Variants in ITGB3BP observed in about 807,000 individuals in gnomAD.
ITGB3BP encodes the protein centromere protein R.
ITGB3BP carries 27 observed loss-of-function variants against 29.1 expected under a neutral mutation model. That is an observed-to-expected ratio of 0.93 (90% confidence interval 0.68 to 1.28). ITGB3BP has a LOEUF of 1.28. ITGB3BP is among the 50% of genes most tolerant of loss of function. ITGB3BP has a pLI of 0.00. For missense variants in ITGB3BP, 192 were observed against 200.2 expected (o/e 0.96, Z 0.25); for synonymous variants, 61 against 61.4 (o/e 0.99, Z 0.03).
chr1:63,490,913 T>C (rs1433950042), intron 2 of ITGB3BP, among the ~76,000 whole-genome samples: 3 of 152,174 alleles, frequency 2.0e-5, no homozygotes, highest in African/African-American at 7.2e-5. Flanking sequence ...CTAAAAAATG[T>C]GTGAGGAACG....
chr1:63,519,999 T>G (rs1646413261), intron 1 of ITGB3BP, among the ~76,000 whole-genome samples: 1 of 152,150 alleles, frequency 6.6e-6, no homozygotes, highest in Non-Finnish European at 1.5e-5. Context: ...AGAATAAAGT[T>G]AACTCTGGTA....
rs571647351 is a variant in ITGB3BP at position 63,448,272 on chromosome 1, A to G, written c.485-1416T>C. 7.3e-5 allele frequency among the ~76,000 whole-genome samples: 11 copies of G among 150,824 alleles called. No homozygotes were observed. The South Asian group carries it at 1.1e-3, about 15-fold the overall frequency. ...TGCAGCACACCAGCATGGCACATGT[A>G]TACATATGTAACTAACCTGCACATT... On this transcript the variant is annotated intron_variant, in intron 7 of 8. Transcript: ENST00000271002.
At chr1:63,509,184 T>C (rs1646145116) in intron 1 of ITGB3BP, among the ~76,000 whole-genome samples, 1 of 152,230 alleles carries the variant, frequency 6.6e-6, no homozygotes, top group Admixed American at 6.5e-5. Flanking sequence ...CCAGGCTCTC[T>C]GTGTGCAAAA....
intron 1 of ITGB3BP, among the ~76,000 whole-genome samples, chr1:63,520,010 G>C (rs1570344509): frequency 6.6e-6 from 1 of 152,092 alleles, no homozygotes; most frequent in Non-Finnish European, 1.5e-5. Flanking sequence ...AACTCTGGTA[G>C]AGAGTATCTT....
Position 63,508,523 on chromosome 1 carries a change from C to G in ITGB3BP, c.48+5G>C, listed in dbSNP as rs1226470383. 4 of 1,382,728 alleles carry G rather than the reference C, an allele frequency of 2.9e-6. No individual in the cohort carries two copies. The East Asian group carries it at 7.5e-5, about 26-fold the overall frequency. 85.7% of individuals were successfully genotyped at this position (1,382,728 alleles called of 1,614,324 possible). ...TCAATGACAAACTTTTAAGCAAATACTTACATTTTCTTCTAACAGACCATC... is the reference window on the plus strand; with the variant it reads ...TCAATGACAAACTTTTAAGCAAATAGTTACATTTTCTTCTAACAGACCATC... On this transcript the variant is annotated splice_donor_5th_base_variant and intron_variant, in intron 2 of 8. Coordinates refer to ENST00000271002, the MANE Select transcript of ITGB3BP (RefSeq NM_014288.5).
chr1:63,459,980 A>T (rs1288124321), intron 4 of ITGB3BP, among the ~76,000 whole-genome samples: 2 of 152,118 alleles, frequency 1.3e-5, no homozygotes. Context: ...ATCACAAAAA[A>T]ATCTGGTCAA....
intron 7 of ITGB3BP, among the ~76,000 whole-genome samples, chr1:63,453,184 G>A (rs1404889512): frequency 6.6e-6 from 1 of 152,082 alleles, no homozygotes; most frequent in Admixed American, 6.6e-5. Flanking sequence ...GTAAAGATTT[G>A]CTGATCCTAG....
intron 7 of ITGB3BP, 71 bp from the exon 8 acceptor site, chr1:63,446,927 GAATA>G: frequency 9.1e-7 from 1 of 1,103,690 alleles, no homozygotes; most frequent in East Asian, 2.4e-5. Flanking sequence ...ATATGATGCA[GAATA>G]AATGTTGAAG....
intron 2 of ITGB3BP, among the ~76,000 whole-genome samples, chr1:63,498,774 T>C (rs1339051398): frequency 6.6e-6 from 1 of 151,696 alleles, no homozygotes; most frequent in African/African-American, 2.4e-5. Context: ...ATAGTCAGTA[T>C]TTTGAGAAGA....
At chr1:63,526,289 G>A (rs1646588527), upstream of ITGB3BP, among the ~76,000 whole-genome samples, 1 of 151,714 alleles carries the variant, frequency 6.6e-6, no homozygotes, top group African/African-American at 2.4e-5. Context: ...CATTACAAAG[G>A]TCCCCAAAAC....
At position 63,454,036 on chromosome 1, in the gene ITGB3BP, T is replaced by C. The variant is rs1644898271; in HGVS notation, c.428-62A>G. On this transcript the variant is annotated intron_variant, in intron 6 of 8. Transcript: ENST00000271002. The surrounding 1 kb of genome is among the most constrained non-coding windows in gnomAD (Gnocchi z 4.1). Reference sequence around the variant, plus strand: ...TAGAATATGGATAATTTCTCAATACTTGCAACAAACAACTTCATGAGAAAA... The same window carrying C: ...TAGAATATGGATAATTTCTCAATACCTGCAACAAACAACTTCATGAGAAAA... The C allele has an allele frequency of 2.2e-6, 2 of 911,462 alleles. No individual in the cohort carries two copies. The highest frequency in any genetic ancestry group is 4.3e-5 in the Admixed American group (2 of 46,268). 56.5% of individuals were successfully genotyped at this position (911,462 alleles called of 1,614,324 possible).
In ITGB3BP at chr1:63,454,057, G is replaced by A; in HGVS notation, c.428-83C>T. On this transcript the variant is annotated intron_variant, in intron 6 of 8. Coordinates refer to ENST00000271002, the MANE Select transcript of ITGB3BP (RefSeq NM_014288.5). The surrounding 1 kb of genome is among the most constrained non-coding windows in gnomAD (Gnocchi z 4.1). ...ATACTTGCAACAAACAACTTCATGA[G>A]AAAAAAATAATTCAAAATAATACAT... 1 of 714,642 alleles carries A rather than the reference G, an allele frequency of 1.4e-6. No individual in the cohort carries two copies. Among genetic ancestry groups the A allele is most frequent in the Non-Finnish European group, 2.4e-6 (1 of 419,960 alleles). The allele number at this position is 714,642 out of a possible 1,614,324, so 44.3% of individuals were successfully genotyped here.
chr1:63,520,871 AGC>A (rs1198113454), intron 1 of ITGB3BP, among the ~76,000 whole-genome samples: 1 of 152,188 alleles, frequency 6.6e-6, no homozygotes, highest in African/African-American at 2.4e-5. Context: ...AACCATAAGT[AGC>A]TTATTTTTGC....
In ITGB3BP at chr1:63,521,206, T is replaced by C. The variant is rs538769882; in HGVS notation, c.5+1923A>G. Among the ~76,000 whole-genome samples, 13 of 152,082 alleles carry C rather than the reference T, an allele frequency of 8.5e-5. 1 individual carries two copies. In the South Asian group the frequency reaches 2.5e-3, roughly 29 times the overall value. ...AAATGAATCCACCTGCATATGTAAC[T>C]TGCCAAGATAACTATTTGCACCACT... On this transcript the variant is annotated intron_variant, in intron 1 of 8. Coordinates refer to ENST00000271002, the MANE Select transcript of ITGB3BP (RefSeq NM_014288.5).
At chr1:63,518,681 AC>A (rs1043020568) in intron 1 of ITGB3BP, among the ~76,000 whole-genome samples, 1 of 149,894 alleles carries the variant, frequency 6.7e-6, no homozygotes, top group South Asian at 2.1e-4. Flanking sequence ...AATATTCTCT[AC>A]CTTTTTCACT....
At chr1:63,446,719 C>G in intron 8 of ITGB3BP, 87 bp downstream of exon 8, 1 of 939,190 alleles carries the variant, frequency 1.1e-6, no homozygotes. Context: ...AATACCAAAT[C>G]TGATAATGTA....
At chr1:63,496,981 C>T (rs1176087339) in intron 2 of ITGB3BP, among the ~76,000 whole-genome samples, 1 of 152,144 alleles carries the variant, frequency 6.6e-6, no homozygotes, top group Non-Finnish European at 1.5e-5. Flanking sequence ...GCTTCACACA[C>T]CAGATCTATC....
At chr1:63,457,232 T>C (rs1644948349) in intron 4 of ITGB3BP, 1 of 152,144 alleles carries the variant, frequency 6.6e-6, no homozygotes, top group South Asian at 2.1e-4. Flanking sequence ...CAAGGCATTC[T>C]TTTCCACACT....
Position 63,454,515 on chromosome 1 carries a change from C to A in ITGB3BP, c.334-42G>T, listed in dbSNP as rs1184290731. 3.3e-6 allele frequency: 3 copies of A among 905,794 alleles called. No homozygotes were observed. Among genetic ancestry groups the A allele is most frequent in the African/African-American group, 3.4e-5 (2 of 59,470 alleles). 56.1% of individuals were successfully genotyped at this position (905,794 alleles called of 1,614,324 possible). On this transcript the variant is annotated intron_variant, in intron 5 of 8. Transcript: ENST00000271002. The surrounding 1 kb of genome is among the most constrained non-coding windows in gnomAD (Gnocchi z 4.1). ...TTGAATGAGTTAAGTTCTCTACACA[C>A]ATGAGATTACTGACATGTCTAGTGA...
Sources: allele counts gnomAD v4.1 joint callset (sites outside exome capture counted in the v4.1 genomes callset), GRCh38; gene constraint gnomAD v4.1.1; non-coding constraint Gnocchi (gnomAD v3.1); transcripts MANE v1.5; gene names NCBI Gene and HGNC (gene_info 2026-07-23, HGNC 2026-07-21).